The following GALNT7 variants were observed in gnomAD, a reference collection of about 807,000 sequenced individuals.
The protein encoded by GALNT7 is N-acetylgalactosaminyltransferase 7.
GALNT7 carries 60 observed loss-of-function variants against 82.1 expected under a neutral mutation model. That is an observed-to-expected ratio of 0.73 (90% CI 0.59 to 0.91). GALNT7 has a LOEUF of 0.91. Ranked by LOEUF, GALNT7 falls within the 40% of genes least tolerant of loss-of-function variation. The pLI, the probability that GALNT7 is intolerant of heterozygous loss-of-function variation, is 0.00. For missense variants in GALNT7, 660 were observed against 804.2 expected, an observed-to-expected ratio of 0.82 and a Z score of 2.17; for synonymous variants, 243 against 275.1, an observed-to-expected ratio of 0.88 and a Z score of 1.15.
At chr4:173,301,266 T>G (rs1300265485) in intron 6 of GALNT7, among the ~76,000 whole-genome samples, 1 of 152,014 alleles carries the variant, frequency 6.6e-6, no homozygotes, top group Non-Finnish European at 1.5e-5. Context: ...ACCCTAAAAT[T>G]TAAGAATCAT....
At chr4:173,282,964 G>A (rs1579987830) in intron 2 of GALNT7, among the ~76,000 whole-genome samples, 1 of 152,136 alleles carries the variant, frequency 6.6e-6, no homozygotes, top group African/African-American at 2.4e-5. Flanking sequence ...AGAATTTGTA[G>A]GATAATTGCC....
At chr4:173,293,958 T>C (rs147277576) in intron 3 of GALNT7, among the ~76,000 whole-genome samples, 1 of 152,214 alleles carries the variant, frequency 6.6e-6, no homozygotes, top group Non-Finnish European at 1.5e-5. Context: ...AAGTCACACA[T>C]GTCCTAGCCT....
At chr4:173,194,354 C>A (rs998501934) in intron 1 of GALNT7, among the ~76,000 whole-genome samples, 1 of 152,168 alleles carries the variant, frequency 6.6e-6, no homozygotes, top group Non-Finnish European at 1.5e-5. Context: ...CTCGGAAATT[C>A]TGTCTTGTTG....
intron 1 of GALNT7, among the ~76,000 whole-genome samples, chr4:173,214,691 T>C (rs1013066272): frequency 5.9e-5 from 9 of 152,172 alleles, no homozygotes; most frequent in Non-Finnish European, 8.8e-5. Flanking sequence ...TCAAGCCTGG[T>C]AGAGTCAAAT....
chr4:173,218,469 GTTTCC>G (rs3052272), intron 1 of GALNT7, among the ~76,000 whole-genome samples: 102,746 of 151,150 alleles, frequency 0.68, 37,363 homozygotes, highest in East Asian at 0.82. Context: ...TCAATATTTT[GTTTCC>G]TTTGCTTTGG....
intron 1 of GALNT7, among the ~76,000 whole-genome samples, chr4:173,245,552 C>T (rs1734595178): frequency 6.6e-6 from 1 of 152,116 alleles, no homozygotes; most frequent in South Asian, 2.1e-4. Flanking sequence ...TCACTTGAGC[C>T]TGTGAAAGGA....
At chr4:173,216,970 A>G (rs1733491837) in intron 1 of GALNT7, among the ~76,000 whole-genome samples, 1 of 151,498 alleles carries the variant, frequency 6.6e-6, no homozygotes, top group Admixed American at 6.6e-5. Context: ...ACCTCGGGTG[A>G]TCCGCCTGCC....
chr4:173,168,948 T>A lies in GALNT7; in HGVS notation c.113T>A (p.Leu38Gln), dbSNP rs1474659814. The A allele has an allele frequency of 6.2e-7, 1 of 1,613,242 alleles. No individual in the cohort carries two copies. Among genetic ancestry groups the A allele is most frequent in the East Asian group, 2.2e-5 (1 of 44,816 alleles). The change falls in exon 1 of 12, where the codon CTG (leucine) becomes CAG (glutamine). Residue 38 changes from leucine to glutamine, a missense_variant. Physicochemically the swap from Leu to Gln is moderately radical, Grantham distance 113. Around this residue, in one of 2 missense-constraint regions of GALNT7, gnomAD observed 133 missense variants for 120.7 expected, o/e 1.10. Coordinates refer to ENST00000265000, the MANE Select transcript of GALNT7 (RefSeq NM_017423.3). The stretch of plus-strand genomic sequence containing the variant: ...CCGCGGCCGGACGACCCAAGCCCGC[T>A]GAGCAGGATGAGGGTGAGTGACCCG... ...LTPRPDDPSP[L>Q]SRMREDRDVN...
At chr4:173,288,756 G>A (rs73872534) in intron 2 of GALNT7, among the ~76,000 whole-genome samples, 5,087 of 152,162 alleles carry the variant, frequency 0.033, 274 homozygotes, top group African/African-American at 0.11. Context: ...AGTGCCATCA[G>A]TGTCTATCAT....
intron 2 of GALNT7, among the ~76,000 whole-genome samples, chr4:173,276,525 A>G (rs541199903): frequency 2.0e-5 from 3 of 152,354 alleles, no homozygotes; most frequent in Middle Eastern, 3.4e-3. Context: ...TAGTTAAAAT[A>G]AAGAATATAT....
rs60894562 is a variant in GALNT7 at position 173,268,530 on chromosome 4, GTTTTTTTTTTT to G, written c.587+20107_587+20117del. ...AAATAGGACACTTGTTTTCTCTCTC[GTTTTTTTTTTT>G]TTTTTTTTTTTTTTTTGAGATGGAG... On this transcript the variant is annotated intron_variant, in intron 2 of 11. Transcript: ENST00000265000. Among the ~76,000 whole-genome samples the G allele has an allele frequency of 3.6e-4, 19 of 52,364 alleles. No homozygotes were observed. The Admixed American group carries it at 4.5e-3, about 12-fold the overall frequency. The allele number at this position is 52,364 out of a possible 152,430, so 34.4% of individuals were successfully genotyped here.
intron 2 of GALNT7, among the ~76,000 whole-genome samples, chr4:173,266,928 G>GTGT (rs1735522720): frequency 2.4e-5 from 3 of 123,522 alleles, no homozygotes; most frequent in East Asian, 2.6e-4. Context: ...TGTGTGTGTG[G>GTGT]AGGGCTGGGA....
intron 6 of GALNT7, among the ~76,000 whole-genome samples, chr4:173,301,158 A>G (rs1736914312): frequency 6.6e-6 from 1 of 152,050 alleles, no homozygotes; most frequent in Admixed American, 6.5e-5. Context: ...TTTTTTTTCA[A>G]GGTAGAATCA....
At chr4:173,235,444 C>T (rs750798458) in intron 1 of GALNT7, among the ~76,000 whole-genome samples, 2 of 152,312 alleles carry the variant, frequency 1.3e-5, no homozygotes, top group African/African-American at 4.8e-5. Flanking sequence ...TTGCACAACA[C>T]GTTCTCTACC....
intron 2 of GALNT7, among the ~76,000 whole-genome samples, chr4:173,271,170 G>A (rs934885365): frequency 5.5e-4 from 84 of 152,182 alleles, no homozygotes; most frequent in Non-Finnish European, 1.1e-3. Context: ...CTGTTAGTAA[G>A]TTGACATTGT....
At chr4:173,313,884 TC>T in intron 8 of GALNT7, 73 bp from the exon 9 acceptor site, 4 of 637,648 alleles carry the variant, frequency 6.3e-6, no homozygotes, top group Non-Finnish European at 1.0e-5. Flanking sequence ...TTTTCATGTG[TC>T]TAATATAGGC....
intron 2 of GALNT7, among the ~76,000 whole-genome samples, chr4:173,262,972 T>C (rs1283318857): frequency 6.6e-6 from 1 of 152,206 alleles, no homozygotes; most frequent in Non-Finnish European, 1.5e-5. Flanking sequence ...TATATTAGGG[T>C]ATATTATTAT....
intron 3 of GALNT7, among the ~76,000 whole-genome samples, chr4:173,293,360 G>A (rs1461528282): frequency 1.3e-5 from 2 of 152,096 alleles, no homozygotes; most frequent in African/African-American, 2.4e-5. Context: ...AGAGTAGGCA[G>A]AGAAGTTTGG....
At chr4:173,268,405 A>C (rs1561182013) in intron 2 of GALNT7, among the ~76,000 whole-genome samples, 2 of 152,044 alleles carry the variant, frequency 1.3e-5, no homozygotes, top group African/African-American at 4.8e-5. Flanking sequence ...TTAGGATACC[A>C]GGTAGCACAC....
Sources: gnomAD v4.1 joint callset for allele counts (sites outside exome capture counted in the v4.1 genomes callset) on GRCh38, gnomAD v4.1.1 for gene constraint, gnomAD v4.1.1 regional missense constraint, MANE v1.5 for transcripts, NCBI Gene and HGNC (gene_info 2026-07-23, HGNC 2026-07-21) for gene names.